The following ALDH18A1 variants were observed in gnomAD, a reference collection of about 807,000 sequenced individuals.
ALDH18A1 encodes the protein delta-1-pyrroline-5-carboxylate synthase.
ALDH18A1 carries 44 observed loss-of-function variants against 88.8 expected under a neutral mutation model. That is an observed-to-expected ratio of 0.50 (90% confidence interval 0.39 to 0.64). The LOEUF is 0.64. Ranked by LOEUF, ALDH18A1 falls within the 30% of genes least tolerant of loss-of-function variation. The pLI is 0.00. For missense variants in ALDH18A1, 782 were observed against 1,009.5 expected, an observed-to-expected ratio of 0.77 and a Z score of 3.05; for synonymous variants, 331 against 372.1, an observed-to-expected ratio of 0.89 and a Z score of 1.27.
At chr10:95,634,838 A>C (rs1308702118) in intron 5 of ALDH18A1, among the ~76,000 whole-genome samples, 1 of 152,238 alleles carries the variant, frequency 6.6e-6, no homozygotes, top group African/African-American at 2.4e-5. Flanking sequence ...CTCAACAATA[A>C]ATAATGCAAT....
chr10:95,635,569 T>C (rs999433363), intron 5 of ALDH18A1, among the ~76,000 whole-genome samples: 1 of 152,216 alleles, frequency 6.6e-6, no homozygotes, highest in East Asian at 1.9e-4. Context: ...GTCTTCTATA[T>C]AGGATTACTG....
intron 17 of ALDH18A1, among the ~76,000 whole-genome samples, chr10:95,607,869 G>C (rs1267176257): frequency 6.6e-6 from 1 of 152,134 alleles, no homozygotes; most frequent in African/African-American, 2.4e-5. Flanking sequence ...GCAGAGAGAA[G>C]AGCAAGTACG....
chr10:95,618,587 T>A (rs201670990), intron 12 of ALDH18A1, among the ~76,000 whole-genome samples: 2 of 152,232 alleles, frequency 1.3e-5, no homozygotes, highest in East Asian at 3.9e-4. Context: ...GTGCTGGGAT[T>A]ACAGGTGTCA....
intron 11 of ALDH18A1, 36 bp from the exon 12 acceptor site, chr10:95,621,287 G>A (rs2097852133): frequency 6.6e-7 from 1 of 1,523,818 alleles, no homozygotes; most frequent in Non-Finnish European, 9.0e-7. Context: ...TAAAGTAGCA[G>A]ACCTGGCAGG....
At chr10:95,637,039 C>T (rs1159402304) in intron 5 of ALDH18A1, 54 bp downstream of exon 5, 3 of 1,548,626 alleles carry the variant, frequency 1.9e-6, no homozygotes, top group Non-Finnish European at 2.7e-6. Flanking sequence ...CCCCTTTGTT[C>T]CACAACAACC....
At chr10:95,631,691 C>T (rs61587319) in intron 7 of ALDH18A1, among the ~76,000 whole-genome samples, 11,334 of 144,530 alleles carry the variant, frequency 0.078, 510 homozygotes, top group African/African-American at 0.11. Flanking sequence ...TGCGGTGAGC[C>T]GATATTGTGC....
At chr10:95,627,043 A>G (rs1276864055) in intron 9 of ALDH18A1, among the ~76,000 whole-genome samples, 2 of 152,162 alleles carry the variant, frequency 1.3e-5, no homozygotes, top group African/African-American at 4.8e-5. Context: ...AATTCTTCTG[A>G]ATTCCACTTT....
Position 95,611,446 on chromosome 10 carries a change from G to T in ALDH18A1, c.1924-4C>A, listed in dbSNP as rs2097834295. ...TGGGGCCTGCATGAATTTTTACCTG[G>T]AACAGAGGAAGTCCAGGGGCAACAA... On this transcript the variant is annotated splice_polypyrimidine_tract_variant and splice_region_variant and intron_variant, in intron 15 of 17. Transcript: ENST00000371224. 1 of 1,614,022 alleles carries T rather than the reference G, an allele frequency of 6.2e-7. No individual in the cohort carries two copies. The highest frequency in any genetic ancestry group is 8.5e-7 in the Non-Finnish European group (1 of 1,179,930).
intron 3 of ALDH18A1, among the ~76,000 whole-genome samples, chr10:95,641,616 C>A (rs555289492): frequency 5.3e-5 from 8 of 152,062 alleles, no homozygotes; most frequent in African/African-American, 1.9e-4. Flanking sequence ...TGGGCTCCAG[C>A]AATCCCCTTG....
At chr10:95,607,055 A>C (rs1049396120) in intron 17 of ALDH18A1, 112 bp from the exon 18 acceptor site, 2 of 1,084,740 alleles carry the variant, frequency 1.8e-6, no homozygotes, top group African/African-American at 3.1e-5. Flanking sequence ...CTTCCTGCTA[A>C]CTCCTCATCC....
Position 95,633,191 on chromosome 10 carries a change from T to C in ALDH18A1, c.718-142A>G, listed in dbSNP as rs145007790. The C allele has an allele frequency of 2.8e-3, 2,229 of 793,564 alleles. 8 individuals carry two copies. Among genetic ancestry groups the C allele is most frequent in the Middle Eastern group, 4.0e-3 (18 of 4,472 alleles). The allele number at this position is 793,564 out of a possible 1,614,324, so 49.2% of individuals were successfully genotyped here. On this transcript the variant is annotated intron_variant, in intron 6 of 17. Transcript: ENST00000371224. ...ACCCAAATATGTAGATGACGGCTCT[T>C]GCAGGCCCCTTCTGTCTGCAGAACA...
rs986043908 is a variant in ALDH18A1 at position 95,620,968 on chromosome 10, T to C, written c.1467+63A>G. The C allele has an allele frequency of 2.1e-6, 3 of 1,449,552 alleles. No individual in the cohort carries two copies. In the African/African-American group the frequency reaches 4.2e-5, roughly 21 times the overall value. The allele number at this position is 1,449,552 out of a possible 1,614,324, so 89.8% of individuals were successfully genotyped here. On this transcript the variant is annotated intron_variant, in intron 12 of 17. Transcript: ENST00000371224. The stretch of plus-strand genomic sequence containing the variant: ...AAAAAAAGAAAAGAAAATATATTCT[T>C]CCTCCAATATCCACACCAGCCCCCA...
At chr10:95,621,788 T>C (rs143585498) in intron 11 of ALDH18A1, among the ~76,000 whole-genome samples, 30 of 152,250 alleles carry the variant, frequency 2.0e-4, no homozygotes, top group Middle Eastern at 3.4e-3. Flanking sequence ...GTTCCAGAAA[T>C]TTATCATTTG....
chr10:95,639,335 T>C (rs967698386), intron 3 of ALDH18A1, among the ~76,000 whole-genome samples: 3 of 151,498 alleles, frequency 2.0e-5, no homozygotes, highest in Non-Finnish European at 4.4e-5. Flanking sequence ...CTCTCTAAAA[T>C]AAATAAAAAG....
chr10:95,642,865 T>G, intron 3 of ALDH18A1, 127 bp downstream of exon 3: 9 of 1,001,976 alleles, frequency 9.0e-6, no homozygotes, highest in Middle Eastern at 3.0e-4. Context: ...AGTTTTCACA[T>G]TGGGTTAAAT....
intron 3 of ALDH18A1, among the ~76,000 whole-genome samples, chr10:95,638,321 C>T (rs1259923756): frequency 6.6e-6 from 1 of 152,190 alleles, no homozygotes; most frequent in East Asian, 1.9e-4. Context: ...CCATGCCTGG[C>T]CTAAGTAAGA....
At chr10:95,628,899 G>T in intron 7 of ALDH18A1, 1 of 254,932 alleles carries the variant, frequency 3.9e-6, no homozygotes. Flanking sequence ...TGTTTAATGT[G>T]ACTGTTTCCA....
intron 2 of ALDH18A1, among the ~76,000 whole-genome samples, chr10:95,652,866 T>C (rs1240666568): frequency 6.6e-6 from 1 of 152,038 alleles, no homozygotes; most frequent in South Asian, 2.1e-4. Flanking sequence ...CCAAATTACA[T>C]CTTTTTTTTC....
intron 15 of ALDH18A1, among the ~76,000 whole-genome samples, chr10:95,613,442 A>C (rs2097839170): frequency 1.0e-5 from 1 of 97,966 alleles, no homozygotes; most frequent in African/African-American, 3.0e-5. Context: ...CCTTGCATAT[A>C]TAAGGTTGCC....
Sources: allele counts gnomAD v4.1 joint callset (sites outside exome capture counted in the v4.1 genomes callset), GRCh38; gene constraint gnomAD v4.1.1; transcripts MANE v1.5; gene names NCBI Gene and HGNC (gene_info 2026-07-23, HGNC 2026-07-21).